Variants in INTS1 observed in about 807,000 individuals in gnomAD.
The protein encoded by INTS1 is integrator complex subunit 1.
INTS1 carries 137 observed loss-of-function variants against 241.6 expected under a neutral mutation model. The observed-to-expected ratio is 0.57, with a 90% confidence interval of 0.49 to 0.65. The LOEUF (loss-of-function observed/expected upper bound fraction) is 0.65, where lower values mean the gene tolerates loss of function less well. Among genes scored for constraint, INTS1 ranks in the 30% least tolerant of loss-of-function variants. INTS1 has a pLI of 0.00. For missense variants in INTS1, 3,073 were observed against 3,032.2 expected (o/e 1.01, Z -0.32); for synonymous variants, 1,692 against 1,337.8 (o/e 1.26, Z -5.78).
At chr7:1,502,301 G>A (rs542859537) in intron 3 of INTS1, among the ~76,000 whole-genome samples, 2 of 152,262 alleles carry the variant, frequency 1.3e-5, no homozygotes, top group South Asian at 2.1e-4. Flanking sequence ...GAGTCACGGA[G>A]CCTTGAGAAA....
At chr7:1,470,797 C>G in intron 47 of INTS1, 49 bp downstream of exon 47, 14 of 1,489,118 alleles carry the variant, frequency 9.4e-6, no homozygotes, top group Non-Finnish European at 1.3e-5. Context: ...GACGCACCTC[C>G]GGCCTCCCCG....
In INTS1 at chr7:1,481,956, G is replaced by A. The variant is rs1296037825; in HGVS notation, c.3704-468C>T. Among the ~76,000 whole-genome samples the A allele has an allele frequency of 1.3e-5, 2 of 152,172 alleles. No individual in the cohort carries two copies. Among genetic ancestry groups the A allele is most frequent in the Non-Finnish European group, 2.9e-5 (2 of 68,022 alleles). ...CAGTACACTTCCGAAGCTGCACGCA[G>A]GCTGCTGTGACTATCTTCTCTCAGT... On this transcript the variant is annotated intron_variant, in intron 27 of 47. Transcript: ENST00000404767. This position sits in a 1 kb window ranked among gnomAD's most constrained non-coding sequence, Gnocchi z 6.8.
At chr7:1,486,264 T>A (rs1019391600) in intron 22 of INTS1, among the ~76,000 whole-genome samples, 14 of 149,862 alleles carry the variant, frequency 9.3e-5, no homozygotes, top group Admixed American at 3.3e-4. Context: ...ATTTTTCATT[T>A]ATTTATTTTT....
chr7:1,479,356 G>T, intron 31 of INTS1, 74 bp downstream of exon 31: 1 of 1,486,290 alleles, frequency 6.7e-7, no homozygotes, highest in South Asian at 1.2e-5. Context: ...GCAGTCACAG[G>T]ACACCCGGGC....
rs1256071253 is a variant in INTS1, at chr7:1,471,172, G to A, written c.6308C>T (p.Ala2103Val). 1.3e-6 allele frequency: 2 copies of A among 1,582,990 alleles called. No homozygotes were observed. Among genetic ancestry groups the A allele is most frequent in the Non-Finnish European group, 1.7e-6 (2 of 1,166,096 alleles). Reference protein sequence around the residue: ...SSAEECCRNLAFSLALRSMQN... With the variant: ...SSAEECCRNLVFSLALRSMQN... ...CATGGAGCGCAGGGCCAGGCTGAAG[G>A]CGAGGTTGCGGCAACACTCCTCGGC... The change falls in exon 46 of 48, where the codon GCC becomes GTC. Residue 2103 changes from alanine (A) to valine (V), a missense_variant. Transcript: ENST00000404767.
In INTS1 at chr7:1,471,209, G is replaced by C; in HGVS notation, c.6271C>G (p.Leu2091Val). The C allele has an allele frequency of 6.3e-7, 1 of 1,579,118 alleles. No homozygotes were observed. Among genetic ancestry groups the C allele is most frequent in the Non-Finnish European group, 8.6e-7 (1 of 1,163,988 alleles). The stretch of plus-strand genomic sequence containing the variant: ...CAACACTCCTCGGCCGAGCTCATCA[G>C]CCGCTGCAGGTTGGTCTGACCGGGG... ...LSFFSTNLQR[L>V]MSSAEECCRN... Residue 2091 changes from leucine to valine, a missense_variant, in exon 46 of 48, where the codon CTG (leucine) becomes GTG (valine). Physicochemically the swap from Leu to Val is conservative, Grantham distance 32 (BLOSUM62 1). Coordinates refer to ENST00000404767, the MANE Select transcript of INTS1 (RefSeq NM_001080453.3).
chr7:1,481,164 G>T lies in INTS1; in HGVS notation c.3850+178C>A. ...AGGGTTGGGGCAGGCCCAGGCCTCG[G>T]CTCCCTCCTGACTGTGCCAGCCTCA... On this transcript the variant is annotated intron_variant, in intron 28 of 47. Coordinates refer to ENST00000404767, the MANE Select transcript of INTS1 (RefSeq NM_001080453.3). This position sits in a 1 kb window ranked among gnomAD's most constrained non-coding sequence, Gnocchi z 6.8. 1.2e-6 allele frequency: 1 copy of T among 805,946 alleles called. No homozygotes were observed. Among genetic ancestry groups the T allele is most frequent in the Non-Finnish European group, 2.1e-6 (1 of 487,422 alleles). The allele number at this position is 805,946 out of a possible 1,614,324, so 49.9% of individuals were successfully genotyped here.
chr7:1,490,844 TAGAC>T (rs1168545485), intron 16 of INTS1, among the ~76,000 whole-genome samples: 2 of 152,114 alleles, frequency 1.3e-5, no homozygotes, highest in Non-Finnish European at 2.9e-5. Context: ...GATGGACACA[TAGAC>T]GGACAGAACA....
At position 1,497,334 on chromosome 7, in the gene INTS1, C is replaced by T. The variant is rs770524672; in HGVS notation, c.1426-20G>A. ...CAGGAACTGGGGCAGAGAGAGGCCG[C>T]GTGGGAGGCTGCCCGACAGTGCTGT... On this transcript the variant is annotated intron_variant, in intron 10 of 47. Coordinates refer to ENST00000404767, the MANE Select transcript of INTS1 (RefSeq NM_001080453.3). The surrounding 1 kb of genome is among the most constrained non-coding windows in gnomAD (Gnocchi z 5.3). The T allele has an allele frequency of 3.7e-6, 6 of 1,605,050 alleles. No individual in the cohort carries two copies. The highest frequency in any genetic ancestry group is 5.1e-6 in the Non-Finnish European group (6 of 1,175,742).
intron 14 of INTS1, chr7:1,494,511 G>A: frequency 4.2e-6 from 2 of 479,966 alleles, no homozygotes; most frequent in Admixed American, 3.3e-5. Context: ...CTGAGACTGC[G>A]TGAAGGGTGG....
chr7:1,497,318 G>C lies in INTS1; in HGVS notation c.1426-4C>G. 6.2e-7 allele frequency: 1 copy of C among 1,610,732 alleles called. No individual in the cohort carries two copies. Among genetic ancestry groups the C allele is most frequent in the Non-Finnish European group, 8.5e-7 (1 of 1,178,316 alleles). On this transcript the variant is annotated splice_region_variant and splice_polypyrimidine_tract_variant and intron_variant, in intron 10 of 47. Transcript: ENST00000404767. This position sits in a 1 kb window ranked among gnomAD's most constrained non-coding sequence, Gnocchi z 5.3. ...CCTGGAACACCATGGCCAGGAACTGGGGCAGAGAGAGGCCGCGTGGGAGGC... is the reference window on the plus strand; with the variant it reads ...CCTGGAACACCATGGCCAGGAACTGCGGCAGAGAGAGGCCGCGTGGGAGGC...
At position 1,495,510 on chromosome 7, in the gene INTS1, G is replaced by T. The variant is rs1328949066; in HGVS notation, c.1755C>A (p.Ile585=). The T allele has an allele frequency of 3.7e-6, 6 of 1,612,532 alleles. No homozygotes were observed. The Admixed American group carries it at 1.0e-4, about 27-fold the overall frequency. ...LRSFQNQIAA[I]QRDAVWWLHT... is the part of the protein sequence containing the mutation. ...GGAGCCACCAGACGGCATCCCGCTGGATGGCGGCAATCTGGTTCTGGAATG... is the reference window on the plus strand; with the variant it reads ...GGAGCCACCAGACGGCATCCCGCTGTATGGCGGCAATCTGGTTCTGGAATG... Residue 585 remains isoleucine (I), a synonymous_variant, in exon 13 of 48, where the codon ATC becomes ATA. Coordinates refer to ENST00000404767, the MANE Select transcript of INTS1 (RefSeq NM_001080453.3).
chr7:1,494,397 C>T (rs115376826), intron 14 of INTS1: 8 of 259,014 alleles, frequency 3.1e-5, no homozygotes, highest in Admixed American at 9.7e-5. Context: ...CAAGAACCCA[C>T]GGGGTCACCC....
chr7:1,490,014 A>G (rs1782470162), intron 16 of INTS1, among the ~76,000 whole-genome samples: 1 of 152,216 alleles, frequency 6.6e-6, no homozygotes, highest in Non-Finnish European at 1.5e-5. Context: ...AGCCACCGAG[A>G]TGGAATTATT....
At chr7:1,496,775 G>A (rs1303965397) in intron 11 of INTS1, among the ~76,000 whole-genome samples, 1 of 152,136 alleles carries the variant, frequency 6.6e-6, no homozygotes, top group Admixed American at 6.5e-5. Flanking sequence ...CACCCTCACT[G>A]TGCCTTCCAG....
intron 8 of INTS1, 44 bp downstream of exon 8, chr7:1,498,931 C>T (rs1165856489): frequency 1.4e-6 from 2 of 1,439,722 alleles, no homozygotes; most frequent in Admixed American, 2.0e-5. Flanking sequence ...ACAGAGCCTG[C>T]CCCCACCCCC....
At chr7:1,491,281 G>A (rs571605442) in intron 16 of INTS1, among the ~76,000 whole-genome samples, 1 of 152,356 alleles carries the variant, frequency 6.6e-6, no homozygotes, top group East Asian at 1.9e-4. Context: ...GGACGGAAGT[G>A]AGGTCCAGGA....
chr7:1,494,394 C>T, intron 14 of INTS1: 2 of 260,890 alleles, frequency 7.7e-6, no homozygotes, highest in South Asian at 1.0e-4. Context: ...GACCAAGAAC[C>T]CACGGGGTCA....
intron 16 of INTS1, among the ~76,000 whole-genome samples, chr7:1,492,704 G>A (rs975421710): frequency 1.1e-4 from 17 of 152,190 alleles, no homozygotes; most frequent in Admixed American, 2.6e-4. Flanking sequence ...GGAAGACAAC[G>A]GGGAAACAGC....
Sources: allele counts gnomAD v4.1 joint callset (sites outside exome capture counted in the v4.1 genomes callset), GRCh38; gene constraint gnomAD v4.1.1; non-coding constraint Gnocchi (gnomAD v3.1); transcripts MANE v1.5; gene names NCBI Gene and HGNC (gene_info 2026-07-23, HGNC 2026-07-21).